The following RIPOR3 variants were observed in gnomAD, a reference collection of about 807,000 sequenced individuals.
RIPOR3 encodes family with sequence similarity 65 member C.
Under a neutral mutation model 114.3 loss-of-function variants are expected in RIPOR3, and 95 were observed. The observed-to-expected ratio is 0.83, with a 90% CI of 0.70 to 0.99. RIPOR3 has a LOEUF of 0.99. Ranked by LOEUF, RIPOR3 falls within the 50% of genes least tolerant of loss-of-function variation. RIPOR3 has a pLI of 0.00. For missense variants in RIPOR3, 1,252 were observed against 1,266.9 expected (o/e 0.99, Z 0.18); for synonymous variants, 575 against 543.8 (o/e 1.06, Z -0.80).
Position 50,620,135 on chromosome 20 carries a change from G to A in RIPOR3, c.123-3C>T, listed in dbSNP as rs1268865431. On this transcript the variant is annotated splice_region_variant and splice_polypyrimidine_tract_variant and intron_variant, in intron 2 of 21. Coordinates refer to ENST00000327979, the MANE Select transcript of RIPOR3 (RefSeq NM_001290268.2). ...CGGAGTTCCTGTTGATGGACTTTCTGTGAGAAGGGTTGGAGGGCAAGAGAA... is the reference window on the plus strand; with the variant it reads ...CGGAGTTCCTGTTGATGGACTTTCTATGAGAAGGGTTGGAGGGCAAGAGAA... The A allele has an allele frequency of 6.2e-6, 10 of 1,613,434 alleles. No individual in the cohort carries two copies. The highest frequency in any genetic ancestry group is 8.5e-6 in the Non-Finnish European group (10 of 1,179,932).
Position 50,609,732 on chromosome 20 carries a change from G to T in RIPOR3, c.427-10C>A. Reference sequence around the variant, plus strand: ...CGTACAGCTCATCCACCTGTGGTGGGCACACGGGCTGGTGGCGCTGCCCAC... The same window carrying T: ...CGTACAGCTCATCCACCTGTGGTGGTCACACGGGCTGGTGGCGCTGCCCAC... On this transcript the variant is annotated splice_polypyrimidine_tract_variant and intron_variant, in intron 6 of 21. Coordinates refer to ENST00000327979, the MANE Select transcript of RIPOR3 (RefSeq NM_001290268.2). The T allele has an allele frequency of 7.3e-7, 1 of 1,364,612 alleles. No homozygotes were observed. 84.5% of individuals were successfully genotyped at this position (1,364,612 alleles called of 1,614,324 possible). A position where few individuals can be genotyped will look rare whatever the true frequency, so the allele number is the denominator to read the frequency against.
chr20:50,598,429 G>A (rs2083378763), intron 13 of RIPOR3, among the ~76,000 whole-genome samples: 1 of 151,930 alleles, frequency 6.6e-6, no homozygotes, highest in African/African-American at 2.4e-5. Context: ...CCCAGGCCTT[G>A]TGTCCAACAC....
At position 50,604,749 on chromosome 20, in the gene RIPOR3, C is replaced by T. The variant is rs2083641436; in HGVS notation, c.982G>A (p.Val328Met). ...AACTTGCCCGTGGGGCTGGGTGACA[C>T]CAGGAAGCTCTCAGTATCAAACGGG... ...WNPFDTESFL[V>M]SPSPTGKFSM... is the part of the protein sequence containing the mutation. The change falls in exon 12 of 22, where the codon GTG becomes ATG. Residue 328 changes from valine to methionine, a missense_variant. Transcript: ENST00000327979. The T allele has an allele frequency of 2.5e-6, 4 of 1,608,222 alleles. No homozygotes were observed. Among genetic ancestry groups the T allele is most frequent in the Non-Finnish European group, 3.4e-6 (4 of 1,177,932 alleles).
chr20:50,629,816 G>T (rs1187716781), intron 2 of RIPOR3, among the ~76,000 whole-genome samples: 1 of 152,206 alleles, frequency 6.6e-6, no homozygotes. Flanking sequence ...GCCAGAAGAG[G>T]TGGCCCCATT....
At chr20:50,685,552 G>T (rs1253287631) in intron 1 of RIPOR3, among the ~76,000 whole-genome samples, 1 of 151,486 alleles carries the variant, frequency 6.6e-6, no homozygotes, top group Non-Finnish European at 1.5e-5. Flanking sequence ...GGCTGGGCAC[G>T]GTGGCCCACA....
chr20:50,672,461 G>T (rs915030808), intron 1 of RIPOR3, among the ~76,000 whole-genome samples: 1 of 152,166 alleles, frequency 6.6e-6, no homozygotes, highest in Non-Finnish European at 1.5e-5. Flanking sequence ...CATTGATTAT[G>T]TTCCCCATGA....
chr20:50,663,297 G>A (rs112125361), intron 1 of RIPOR3, among the ~76,000 whole-genome samples: 2,514 of 152,102 alleles, frequency 0.017, 77 homozygotes, highest in African/African-American at 0.055. Context: ...ACCTTACCCA[G>A]ACCTACTGCT....
intron 8 of RIPOR3, 69 bp from the exon 9 acceptor site, chr20:50,609,024 T>C: frequency 6.5e-7 from 1 of 1,537,744 alleles, no homozygotes; most frequent in Non-Finnish European, 8.8e-7. Flanking sequence ...ACAGGTCCTC[T>C]CTGGGGTTCC....
At chr20:50,681,092 T>C (rs1333345029) in intron 1 of RIPOR3, among the ~76,000 whole-genome samples, 2 of 151,592 alleles carry the variant, frequency 1.3e-5, no homozygotes, top group African/African-American at 4.8e-5. Context: ...GGCGTGGTGG[T>C]GCATGCCTGT....
In RIPOR3 at chr20:50,614,458, G is replaced by A. The variant is rs530750856; in HGVS notation, c.348+1544C>T. Among the ~76,000 whole-genome samples, 9 of 152,310 alleles carry A rather than the reference G, an allele frequency of 5.9e-5. No individual in the cohort carries two copies. The South Asian group carries it at 1.9e-3, about 32-fold the overall frequency. ...GGAGGGATTCTGGGAAACACTGGCT[G>A]GGAGGAGAATCCCACAGTAGCAAGG... is the stretch of plus-strand genomic sequence containing the variant. On this transcript the variant is annotated intron_variant, in intron 4 of 21. Transcript: ENST00000327979.
intron 2 of RIPOR3, among the ~76,000 whole-genome samples, chr20:50,628,128 A>G (rs1209492810): frequency 6.6e-6 from 1 of 152,160 alleles, no homozygotes; most frequent in East Asian, 1.9e-4. Context: ...AAACAGCATC[A>G]TTTCCTGGCC....
chr20:50,682,413 GC>G (rs1275086103), intron 1 of RIPOR3, among the ~76,000 whole-genome samples: 35 of 152,220 alleles, frequency 2.3e-4, no homozygotes, highest in African/African-American at 8.4e-4. Flanking sequence ...TTTGAGGCCA[GC>G]CTGGGCAATA....
At chr20:50,644,463 T>C (rs1354554958) in intron 1 of RIPOR3, among the ~76,000 whole-genome samples, 1 of 152,118 alleles carries the variant, frequency 6.6e-6, no homozygotes, top group East Asian at 1.9e-4. Flanking sequence ...TTTTATAACC[T>C]GGATTGGTAC....
intron 11 of RIPOR3, among the ~76,000 whole-genome samples, chr20:50,607,863 AG>A (rs2083779807): frequency 6.6e-6 from 1 of 152,166 alleles, no homozygotes; most frequent in Non-Finnish European, 1.5e-5. Context: ...GGAGGAGGAA[AG>A]GAACACCCTG....
chr20:50,615,934 A>G, intron 4 of RIPOR3, 68 bp downstream of exon 4: 1 of 1,441,148 alleles, frequency 6.9e-7, no homozygotes, highest in Non-Finnish European at 9.6e-7. Context: ...GCTAGAAGGA[A>G]CGCAGGGTTC....
chr20:50,648,925 A>G (rs7266064), intron 1 of RIPOR3, among the ~76,000 whole-genome samples: 3,171 of 152,202 alleles, frequency 0.021, 120 homozygotes, highest in African/African-American at 0.073. Context: ...TTCCTAACAG[A>G]CCATGGACAA....
chr20:50,687,148 G>A (rs1351607307), intron 1 of RIPOR3, among the ~76,000 whole-genome samples: 4 of 152,270 alleles, frequency 2.6e-5, no homozygotes, highest in Non-Finnish European at 4.4e-5. Flanking sequence ...CTAATCGGGA[G>A]CCGCTGCGGA....
chr20:50,631,034 T>C (rs1368624299), intron 1 of RIPOR3, among the ~76,000 whole-genome samples, 178 bp from the exon 2 acceptor site: 1 of 152,174 alleles, frequency 6.6e-6, no homozygotes, highest in Non-Finnish European at 1.5e-5. Flanking sequence ...TTAGGGGACC[T>C]GATGGGGGAC....
intron 1 of RIPOR3, among the ~76,000 whole-genome samples, chr20:50,639,601 C>T (rs1458217565): frequency 6.6e-6 from 1 of 152,118 alleles, no homozygotes; most frequent in Non-Finnish European, 1.5e-5. Context: ...GGTGCAGTGG[C>T]ACTCACCTGT....
Sources: gnomAD v4.1 joint callset for allele counts (sites outside exome capture counted in the v4.1 genomes callset) on GRCh38, gnomAD v4.1.1 for gene constraint, MANE v1.5 for transcripts, NCBI Gene and HGNC (gene_info 2026-07-23, HGNC 2026-07-21) for gene names.